CXXC5: variants seen among roughly 807,000 people sequenced by gnomAD.
The protein encoded by CXXC5 is CXXC finger protein 5.
CXXC5 carries 2 observed loss-of-function variants against 17.6 expected under a neutral mutation model. That is an observed-to-expected ratio of 0.11 (90% CI 0.05 to 0.36). The LOEUF is 0.36. Ranked by LOEUF, CXXC5 falls within the 10% of genes least tolerant of loss-of-function variation. The pLI is 1.00. For synonymous variants in CXXC5, 171 were observed against 193.0 expected (o/e 0.89, Z 0.94); for missense variants, 343 against 458.3 (o/e 0.75, Z 2.30).
chr5:139,681,821 G>C (rs968555964), intron 2 of CXXC5, among the ~76,000 whole-genome samples: 1 of 152,218 alleles, frequency 6.6e-6, no homozygotes, highest in Admixed American at 6.5e-5. Flanking sequence ...CCATGACCTA[G>C]AACTCTGGGT....
chr5:139,662,147 T>A (rs1024540769), intron 1 of CXXC5, among the ~76,000 whole-genome samples: 2 of 152,150 alleles, frequency 1.3e-5, no homozygotes, highest in African/African-American at 4.8e-5. Context: ...CCAGGAGTCT[T>A]TCTGCCTACC....
At chr5:139,680,082 C>T (rs1757090866) in intron 1 of CXXC5, 1 of 190,424 alleles carries the variant, frequency 5.3e-6, no homozygotes, top group Non-Finnish European at 1.1e-5. Flanking sequence ...GGGCCTCCAC[C>T]ATGCCGCTTG....
chr5:139,651,312 G>A (rs1401911754), intron 1 of CXXC5: 1 of 151,678 alleles, frequency 6.6e-6, no homozygotes, highest in East Asian at 2.0e-4. Flanking sequence ...AGAGCCTGTT[G>A]ACTTACCCGA....
At position 139,680,829 on chromosome 5, in the gene CXXC5, T is replaced by G. The variant is rs1196398730; in HGVS notation, c.306T>G (p.Ala102=). ...GCAGCATGATGGGCGGAGAGTCTGC[T>G]GACAAGGCCACTGCGGCTGCAGCCG... The part of the protein sequence containing the change: ...GGGSMMGGES[A]DKATAAAAAA... Residue 102 remains alanine (A), a synonymous_variant, in exon 2 of 3, where the codon GCT becomes GCG. Coordinates refer to ENST00000302517, the MANE Select transcript of CXXC5 (RefSeq NM_016463.9). The G allele has an allele frequency of 1.9e-6, 3 of 1,612,146 alleles. No homozygotes were observed. The highest frequency in any genetic ancestry group is 2.5e-6 in the Non-Finnish European group (3 of 1,180,018).
intron 1 of CXXC5, among the ~76,000 whole-genome samples, chr5:139,673,839 CAAAA>C (rs752672843): frequency 7.7e-5 from 5 of 64,860 alleles, no homozygotes; most frequent in African/African-American, 1.8e-4. Context: ...AGACTCTTGT[CAAAA>C]AAAAAAAAAA....
In CXXC5 at chr5:139,670,039, G is replaced by A. The variant is rs1224257804; in HGVS notation, c.-160-10325G>A. On this transcript the variant is annotated intron_variant, in intron 1 of 2. Transcript: ENST00000302517. This position sits in a 1 kb window ranked among gnomAD's most constrained non-coding sequence, Gnocchi z 4.2. ...TGGGGGGGTTCTGCAGCACTGTGGC[G>A]GCGGCTCCTCTCCAGGCGCCCAGCT... Among the ~76,000 whole-genome samples the A allele has an allele frequency of 6.6e-6, 1 of 152,208 alleles. No homozygotes were observed. The highest frequency in any genetic ancestry group is 1.5e-5 in the Non-Finnish European group (1 of 68,036).
intron 1 of CXXC5, among the ~76,000 whole-genome samples, chr5:139,664,437 C>T (rs987643752): frequency 1.3e-5 from 2 of 152,148 alleles, no homozygotes; most frequent in African/African-American, 4.8e-5. Flanking sequence ...TATACAGGGA[C>T]ATAGCCACAA....
chr5:139,657,612 G>A (rs949309638), intron 1 of CXXC5, among the ~76,000 whole-genome samples: 1 of 152,200 alleles, frequency 6.6e-6, no homozygotes, highest in Non-Finnish European at 1.5e-5. Flanking sequence ...GGGGCAAGGC[G>A]GAGAGATGTG....
chr5:139,668,398 G>C lies in CXXC5; in HGVS notation c.-160-11966G>C. ...ACGCGGACGTGCCTGCGCGGCTCTG[G>C]CGGCCGCGTCTGCCGCCCCGGCGCC... On this transcript the variant is annotated intron_variant, in intron 1 of 2. Coordinates refer to ENST00000302517, the MANE Select transcript of CXXC5 (RefSeq NM_016463.9). This position sits in a 1 kb window ranked among gnomAD's most constrained non-coding sequence, Gnocchi z 4.1. Among the ~76,000 whole-genome samples, 1 of 151,956 alleles carries C rather than the reference G, an allele frequency of 6.6e-6. No homozygotes were observed. The highest frequency in any genetic ancestry group is 2.1e-4 in the South Asian group (1 of 4,826).
intron 1 of CXXC5, among the ~76,000 whole-genome samples, chr5:139,650,524 C>T (rs1472892638): frequency 2.0e-5 from 3 of 152,220 alleles, no homozygotes; most frequent in Non-Finnish European, 2.9e-5. Context: ...TCAAGTTTTC[C>T]GCTGGGGCCG....
intron 1 of CXXC5, among the ~76,000 whole-genome samples, chr5:139,651,347 C>T (rs1459103214): frequency 3.6e-5 from 5 of 140,422 alleles, no homozygotes; most frequent in Non-Finnish European, 6.2e-5. Context: ...GTCTTTATCA[C>T]GTGAGGCCTG....
At chr5:139,652,330 C>G (rs1023933015) in intron 1 of CXXC5, among the ~76,000 whole-genome samples, 11 of 152,174 alleles carry the variant, frequency 7.2e-5, no homozygotes, top group African/African-American at 2.4e-4. Flanking sequence ...GAATATCCCA[C>G]TAAAGTTTTT....
chr5:139,656,606 G>A (rs1297658300), intron 1 of CXXC5, among the ~76,000 whole-genome samples: 1 of 152,234 alleles, frequency 6.6e-6, no homozygotes, highest in African/African-American at 2.4e-5. Flanking sequence ...GCCTTGCAAT[G>A]GGATATGGCA....
Position 139,682,935 on chromosome 5 carries a change from C to T in CXXC5, c.*28C>T. On this transcript the variant is annotated 3_prime_UTR_variant, in exon 3 of 3. Transcript: ENST00000302517. ...GCGGCGGAACCCAAAGCTGCCCTCT[C>T]CGTGCAATGTCACTGCTCGTGTGGT... 1 of 1,571,730 alleles carries T rather than the reference C, an allele frequency of 6.4e-7. No homozygotes were observed. Among genetic ancestry groups the T allele is most frequent in the Non-Finnish European group, 8.7e-7 (1 of 1,154,974 alleles).
At position 139,683,042 on chromosome 5, in the gene CXXC5, G is replaced by T. The variant is rs1485330908; in HGVS notation, c.*135G>T. 6 of 635,658 alleles carry T rather than the reference G, an allele frequency of 9.4e-6. No homozygotes were observed. The highest frequency in any genetic ancestry group is 1.4e-5 in the Non-Finnish European group (6 of 428,396). The allele number at this position is 635,658 out of a possible 1,614,324, so 39.4% of individuals were successfully genotyped here. On this transcript the variant is annotated 3_prime_UTR_variant, in exon 3 of 3. Transcript: ENST00000302517. The stretch of plus-strand genomic sequence containing the variant: ...ATATTCTCTCACAGATTTCATTCCT[G>T]TTTTTATATATATATTTTTTGTTGT...
Position 139,680,791 on chromosome 5 carries a change from G to A in CXXC5, c.268G>A (p.Gly90Ser), listed in dbSNP as rs903445219. ...SHYSSFGSSGGSGGGSMMGGE... is the reference protein window; with the variant it reads ...SHYSSFGSSGSSGGGSMMGGE... Reference sequence around the variant, plus strand: ...CTACTCTTCTTTTGGCAGCAGTGGTGGTAGTGGCGGTGGCAGCATGATGGG... The same window carrying A: ...CTACTCTTCTTTTGGCAGCAGTGGTAGTAGTGGCGGTGGCAGCATGATGGG... Residue 90 changes from glycine (G) to serine (S), a missense_variant, in exon 2 of 3, where the codon GGT becomes AGT. Coordinates refer to ENST00000302517, the MANE Select transcript of CXXC5 (RefSeq NM_016463.9). The A allele has an allele frequency of 6.8e-6, 11 of 1,613,176 alleles. No individual in the cohort carries two copies. The African/African-American group carries it at 1.5e-4, about 21-fold the overall frequency.
chr5:139,682,712 G>A, intron 2 of CXXC5, 151 bp from the exon 3 acceptor site: 1 of 736,804 alleles, frequency 1.4e-6, no homozygotes, highest in South Asian at 2.7e-5. Flanking sequence ...CCTTTGGCCT[G>A]GCTGGGGTGG....
rs1222541893 is a variant in CXXC5 at position 139,648,815 on chromosome 5, G to C, written c.-191G>C. 6.5e-6 allele frequency: 1 copy of C among 153,014 alleles called. No individual in the cohort carries two copies. The highest frequency in any genetic ancestry group is 2.4e-5 in the African/African-American group (1 of 41,440). The allele number at this position is 153,014 out of a possible 1,614,324, so 9.5% of individuals were successfully genotyped here. ...CCCCCTCGGCCTCGCGGCGACGGCG[G>C]CGGTGGCGGCTTGGACGACTCGGAG... is the stretch of plus-strand genomic sequence containing the variant. On this transcript the variant is annotated 5_prime_UTR_variant, in exon 1 of 3. Transcript: ENST00000302517.
At chr5:139,651,881 ATTG>A (rs1755201691) in intron 1 of CXXC5, among the ~76,000 whole-genome samples, 1 of 152,096 alleles carries the variant, frequency 6.6e-6, no homozygotes, top group African/African-American at 2.4e-5. Flanking sequence ...GGGTTCACAC[ATTG>A]TTATTACGTT....
Sources: allele counts gnomAD v4.1 joint callset (sites outside exome capture counted in the v4.1 genomes callset), GRCh38; gene constraint gnomAD v4.1.1; non-coding constraint Gnocchi (gnomAD v3.1); transcripts MANE v1.5; gene names NCBI Gene and HGNC (gene_info 2026-07-23, HGNC 2026-07-21).